SPATA13: variants seen among roughly 807,000 people sequenced by gnomAD.
The protein encoded by SPATA13 is spermatogenesis-associated protein 13.
A neutral mutation model predicts 104.0 loss-of-function variants in SPATA13; 50 were observed. The ratio of observed to expected loss-of-function variants is 0.48; its 90% confidence interval spans 0.38 to 0.61. The LOEUF is 0.61. Among genes scored for constraint, SPATA13 ranks in the 20% least tolerant of loss-of-function variants. The pLI is 0.00. For missense variants in SPATA13, 1,524 were observed against 1,690.6 expected, an observed-to-expected ratio of 0.90 and a Z score of 1.73; for synonymous variants, 606 against 667.5, an observed-to-expected ratio of 0.91 and a Z score of 1.42.
chr13:24,203,165 G>C (rs1210187722), intron 1 of SPATA13, among the ~76,000 whole-genome samples: 2 of 149,886 alleles, frequency 1.3e-5, no homozygotes, highest in Admixed American at 1.3e-4. Flanking sequence ...AGTGTGTGTT[G>C]TTCCCCTCCA....
At chr13:24,252,345 A>G (rs879820767) in intron 4 of SPATA13, among the ~76,000 whole-genome samples, 1 of 152,026 alleles carries the variant, frequency 6.6e-6, no homozygotes, top group Non-Finnish European at 1.5e-5. Flanking sequence ...TCCCCTTTTT[A>G]TAAAGACACC....
At chr13:24,189,204 G>A (rs1869349564) in intron 1 of SPATA13, among the ~76,000 whole-genome samples, 1 of 152,078 alleles carries the variant, frequency 6.6e-6, no homozygotes, top group African/African-American at 2.4e-5. Flanking sequence ...AGGCGTGGTG[G>A]CTCATGCCTG....
At position 24,130,973 on chromosome 13, in the gene SPATA13, C is replaced by T. The variant is rs145113939; in HGVS notation, c.-111-91846C>T. ...TCTTACACAGGGGTGGAGCGGGGGA[C>T]GCTTTCTGGCTTCATCGTGATTCAC... On this transcript the variant is annotated intron_variant, in intron 3 of 14. Coordinates refer to the SPATA13 transcript ENST00000424834. Among the ~76,000 whole-genome samples, 834 of 152,236 alleles carry T rather than the reference C, an allele frequency of 5.5e-3. 7 individuals are homozygous for T. The highest frequency in any genetic ancestry group is 9.6e-3 in the Non-Finnish European group (651 of 68,018).
intron 3 of SPATA13, among the ~76,000 whole-genome samples, chr13:24,143,519 G>A (rs1164459684): frequency 6.6e-6 from 1 of 152,168 alleles, no homozygotes; most frequent in Non-Finnish European, 1.5e-5. Flanking sequence ...TTGCAAAGAT[G>A]AGTGACCGAA....
chr13:24,142,456 T>TC (rs1881791181), intron 3 of SPATA13, among the ~76,000 whole-genome samples: 1 of 152,044 alleles, frequency 6.6e-6, no homozygotes, highest in Non-Finnish European at 1.5e-5. Flanking sequence ...AGCCCATTTC[T>TC]CCCCCCTCAG....
chr13:24,136,842 T>A (rs1286299768), intron 3 of SPATA13, among the ~76,000 whole-genome samples: 1 of 35,072 alleles, frequency 2.9e-5, no homozygotes, highest in African/African-American at 8.7e-5. Context: ...TATTTATTTT[T>A]TTTTTGAGAC....
At chr13:24,200,387 C>T (rs6490884) in intron 1 of SPATA13, among the ~76,000 whole-genome samples, 135,850 of 152,010 alleles carry the variant, frequency 0.89, 62,686 homozygotes, top group East Asian at 1. Flanking sequence ...TTATTAAATA[C>T]TTAATTCATA....
chr13:24,040,008 C>T (rs757728835), intron 3 of SPATA13, among the ~76,000 whole-genome samples: 8 of 152,178 alleles, frequency 5.3e-5, no homozygotes, highest in Non-Finnish European at 8.8e-5. Context: ...AAGACTGAAG[C>T]CGGGCAATGT....
chr13:24,166,218 C>G (rs1593373982), intron 1 of SPATA13, among the ~76,000 whole-genome samples: 1 of 152,234 alleles, frequency 6.6e-6, no homozygotes, highest in African/African-American at 2.4e-5. Flanking sequence ...AGAGATTGAT[C>G]AGAGACAGTC....
chr13:24,223,656 GA>G lies in SPATA13; in HGVS notation c.731del (p.Asn244ThrfsTer18). On this transcript the variant is annotated frameshift_variant, in exon 2 of 13. Transcript: ENST00000382108. LOFTEE classifies it high-confidence loss of function. ...GTGTGAGATTCTCGTGAGGGACCCT[GA>G]AAACAACAGCATGGGCTACAGGAGG... ...AVCEILVRDP[E>X]NNSMGYRRSK... 1 of 1,552,164 alleles carries G rather than the reference GA, an allele frequency of 6.4e-7. No individual in the cohort carries two copies. Among genetic ancestry groups the G allele is most frequent in the Non-Finnish European group, 8.7e-7 (1 of 1,147,110 alleles).
chr13:24,087,466 G>T (rs78492277), intron 3 of SPATA13, among the ~76,000 whole-genome samples: 1 of 152,214 alleles, frequency 6.6e-6, no homozygotes, highest in Non-Finnish European at 1.5e-5. Context: ...GCTATGGACA[G>T]CATCCAGAGA....
Position 24,027,490 on chromosome 13 carries a change from A to G in SPATA13, c.-112+9789A>G, listed in dbSNP as rs150326467. 9.6e-3 allele frequency among the ~76,000 whole-genome samples: 1,457 copies of G among 152,162 alleles called. 10 individuals carry two copies. The highest frequency in any genetic ancestry group is 0.017 in the Non-Finnish European group (1,124 of 67,996). ...TTTAGTGATTTTATTAATATTTCCA[A>G]AGAATAAACTTTTTACTTCCTAATT... is the stretch of plus-strand genomic sequence containing the variant. On this transcript the variant is annotated intron_variant, in intron 3 of 14. Transcript: ENST00000424834.
Position 24,306,128 on chromosome 13 carries a change from C to G in SPATA13, c.*3355C>G, listed in dbSNP as rs1159590144. On this transcript the variant is annotated 3_prime_UTR_variant, in exon 13 of 13. Transcript: ENST00000382108. ...TTTTTATACCTAGCCTAGATGAAAA[C>G]CGATGCCATTCTTATTCAGAAAATC... is the stretch of plus-strand genomic sequence containing the variant. 1 of 152,204 alleles carries G rather than the reference C, an allele frequency of 6.6e-6. No individual in the cohort carries two copies. The highest frequency in any genetic ancestry group is 1.5e-5 in the Non-Finnish European group (1 of 68,048). The allele number at this position is 152,204 out of a possible 1,614,324, so 9.4% of individuals were successfully genotyped here.
At chr13:24,123,620 G>A in intron 3 of SPATA13, 1 of 1,605,364 alleles carries the variant, frequency 6.2e-7, no homozygotes, top group Non-Finnish European at 8.5e-7. Context: ...AAAGTGTCTG[G>A]GCAGCAGTGG....
intron 1 of SPATA13, among the ~76,000 whole-genome samples, chr13:24,185,087 T>C (rs1368118507): frequency 1.3e-5 from 2 of 152,218 alleles, no homozygotes; most frequent in Non-Finnish European, 2.9e-5. Flanking sequence ...CTGCATTTGT[T>C]GCCAGTTCGG....
chr13:24,156,309 T>A (rs1882255250), upstream of SPATA13, among the ~76,000 whole-genome samples: 1 of 152,198 alleles, frequency 6.6e-6, no homozygotes, highest in Non-Finnish European at 1.5e-5. Flanking sequence ...TTTATTCTCC[T>A]CTTTTGCCTG....
chr13:24,192,664 C>T (rs1290183980), intron 1 of SPATA13, among the ~76,000 whole-genome samples: 5 of 152,068 alleles, frequency 3.3e-5, no homozygotes, highest in African/African-American at 9.7e-5. Context: ...GCACACCTGC[C>T]CTGGCCCCAG....
chr13:24,026,387 C>A lies in SPATA13; in HGVS notation c.-112+8686C>A, dbSNP rs966159138. On this transcript the variant is annotated intron_variant, in intron 3 of 14. Coordinates refer to the SPATA13 transcript ENST00000424834. ...GTGCACTGGGGAGGGAGGTGTGAAG[C>A]AAAGTAGAGATCCTCTCTTGTGTTC... 1.6e-4 allele frequency among the ~76,000 whole-genome samples: 25 copies of A among 152,042 alleles called. 1 individual carries two copies. Among genetic ancestry groups the A allele is most frequent in the Admixed American group, 1.6e-3 (25 of 15,258 alleles).
At position 24,297,676 on chromosome 13, in the gene SPATA13, C is replaced by G. The variant is rs113723819; in HGVS notation, c.3524C>G (p.Ala1175Gly). The G allele has an allele frequency of 4.3e-6, 7 of 1,614,046 alleles. No homozygotes were observed. In the African/African-American group the frequency reaches 8.0e-5, roughly 18 times the overall value. The change falls in exon 11 of 13, where the codon GCG becomes GGG. Residue 1175 changes from alanine to glycine, a missense_variant. By Grantham distance (60) the Ala-to-Gly change is moderately conservative (BLOSUM62 0). Around this residue, in one of 2 missense-constraint regions of SPATA13, gnomAD observed 435 missense variants for 554.8 expected, o/e 0.78. Coordinates refer to ENST00000382108, the MANE Select transcript of SPATA13 (RefSeq NM_001166271.3). ...TGTGCCAAAAAACAAGAAGACAAGG[C>G]GAGGTGGCTGCAGGCCTGTGCAGAT... The part of the protein sequence containing the change: ...LFCAKKQEDK[A>G]RWLQACADER...
Sources: gnomAD v4.1 joint callset for allele counts (sites outside exome capture counted in the v4.1 genomes callset) on GRCh38, gnomAD v4.1.1 for gene constraint, gnomAD v4.1.1 regional missense constraint, MANE v1.5 for transcripts, NCBI Gene and HGNC (gene_info 2026-07-23, HGNC 2026-07-21) for gene names.